Variants in BCAS3 observed in about 807,000 individuals in gnomAD.
The protein encoded by BCAS3 is BCAS3 microtubule associated cell migration factor, also known as BCAS4/BCAS3 fusion.
Under a neutral mutation model 116.1 loss-of-function variants are expected in BCAS3, and 53 were observed. That is an observed-to-expected ratio of 0.46 (90% CI 0.37 to 0.57). BCAS3 has a LOEUF of 0.57. Among genes scored for constraint, BCAS3 ranks in the 20% least tolerant of loss-of-function variants. The pLI is 0.00. For synonymous variants in BCAS3, 391 were observed against 408.2 expected (o/e 0.96, Z 0.51); for missense variants, 917 against 1,165.4 (o/e 0.79, Z 3.10).
intron 7 of BCAS3, among the ~76,000 whole-genome samples, chr17:60,859,904 A>T (rs1411395367): frequency 6.6e-6 from 1 of 152,112 alleles, no homozygotes; most frequent in South Asian, 2.1e-4. Context: ...TCCTCTGTTG[A>T]TGGGCATCTA....
chr17:60,974,697 A>G (rs1413275301), intron 14 of BCAS3, among the ~76,000 whole-genome samples: 3 of 152,228 alleles, frequency 2.0e-5, no homozygotes, highest in African/African-American at 7.2e-5. Flanking sequence ...GAAACATTTA[A>G]TGAATGGTAA....
At position 61,377,007 on chromosome 17, in the gene BCAS3, T is replaced by A. The variant is rs1475258926; in HGVS notation, c.2593+8513T>A. The stretch of plus-strand genomic sequence containing the variant: ...GACAAGTTTCCTACCCTCAAAGAGA[T>A]TAAAGCCCCAGAGGAGGCCACAATA... On this transcript the variant is annotated intron_variant, in intron 23 of 23. Transcript: ENST00000407086. This position sits in a 1 kb window ranked among gnomAD's most constrained non-coding sequence, Gnocchi z 4.6. Among the ~76,000 whole-genome samples the A allele has an allele frequency of 2.0e-5, 3 of 152,146 alleles. No homozygotes were observed. Among genetic ancestry groups the A allele is most frequent in the African/African-American group, 7.2e-5 (3 of 41,424 alleles).
At chr17:60,801,159 T>G (rs938375579) in intron 6 of BCAS3, among the ~76,000 whole-genome samples, 11 of 152,140 alleles carry the variant, frequency 7.2e-5, no homozygotes, top group Non-Finnish European at 2.9e-5. Context: ...TCTCCATGTA[T>G]TTAGGTTGTC....
At chr17:60,812,211 A>G (rs2144642629) in intron 7 of BCAS3, among the ~76,000 whole-genome samples, 1 of 152,266 alleles carries the variant, frequency 6.6e-6, no homozygotes, top group South Asian at 2.1e-4. Context: ...GTTGGGGAGG[A>G]ATACTTTTCT....
intron 5 of BCAS3, among the ~76,000 whole-genome samples, chr17:60,723,653 T>G (rs2039484246): frequency 6.6e-6 from 1 of 151,992 alleles, no homozygotes; most frequent in Non-Finnish European, 1.5e-5. Context: ...CATATTCAAA[T>G]TTCATCCATT....
intron 9 of BCAS3, among the ~76,000 whole-genome samples, chr17:60,878,243 C>T (rs1373908393): frequency 6.6e-6 from 1 of 152,098 alleles, no homozygotes; most frequent in Non-Finnish European, 1.5e-5. Context: ...CTCCTGAGCT[C>T]AGGTGATCTG....
chr17:61,201,759 C>CTT (rs34301859), intron 22 of BCAS3, among the ~76,000 whole-genome samples: 10,551 of 142,124 alleles, frequency 0.074, 690 homozygotes, highest in African/African-American at 0.17. Context: ...AGGAAACTAA[C>CTT]TTTTTTTTTT....
chr17:61,267,225 T>A (rs925658678), intron 22 of BCAS3, among the ~76,000 whole-genome samples: 30 of 146,986 alleles, frequency 2.0e-4, no homozygotes, highest in African/African-American at 7.7e-4. Flanking sequence ...GCCCAGCTAA[T>A]TTTTTGTATT....
At chr17:61,335,517 C>T (rs996939478) in intron 22 of BCAS3, among the ~76,000 whole-genome samples, 3 of 152,158 alleles carry the variant, frequency 2.0e-5, no homozygotes, top group African/African-American at 4.8e-5. Context: ...GTCAGGGTCC[C>T]TGTGAGTCAG....
At chr17:60,687,646 T>A (rs1301823613) in intron 3 of BCAS3, among the ~76,000 whole-genome samples, 3 of 151,842 alleles carry the variant, frequency 2.0e-5, no homozygotes, top group Admixed American at 6.6e-5. Context: ...TTTTTTTTTT[T>A]AAAGACATCA....
intron 14 of BCAS3, among the ~76,000 whole-genome samples, chr17:60,976,020 C>CTTTTTTATTTTTTTTTTTTTTTTTTTTT (rs2062326789): frequency 1.0e-5 from 1 of 98,286 alleles, no homozygotes; most frequent in African/African-American, 4.2e-5. Flanking sequence ...TAGATTTTTG[C>CTTTTTTATTTTTTTTTTTTTTTTTTTTT]TTTTTTTTTT....
chr17:60,846,253 T>C (rs2052525372), intron 7 of BCAS3, among the ~76,000 whole-genome samples: 1 of 152,172 alleles, frequency 6.6e-6, no homozygotes, highest in African/African-American at 2.4e-5. Context: ...TTATCAGTTT[T>C]TTCAGTCAGG....
chr17:60,709,109 G>A (rs2037539489), intron 4 of BCAS3, 110 bp from the exon 5 acceptor site: 1 of 576,674 alleles, frequency 1.7e-6, no homozygotes, highest in South Asian at 2.1e-5. Flanking sequence ...AGAGAGGATG[G>A]TTGCTAGACA....
At chr17:60,979,806 T>C (rs1460552227) in intron 14 of BCAS3, among the ~76,000 whole-genome samples, 2 of 152,232 alleles carry the variant, frequency 1.3e-5, no homozygotes, top group Non-Finnish European at 2.9e-5. Flanking sequence ...GTTTACTGAT[T>C]TGCGTATGTT....
chr17:61,252,789 T>C (rs968876981), intron 22 of BCAS3, among the ~76,000 whole-genome samples: 21 of 152,082 alleles, frequency 1.4e-4, no homozygotes, highest in Non-Finnish European at 2.4e-4. Flanking sequence ...CTTAGTCTGC[T>C]AAACACACTG....
At chr17:60,782,438 A>G (rs1412645434) in intron 6 of BCAS3, among the ~76,000 whole-genome samples, 3 of 152,124 alleles carry the variant, frequency 2.0e-5, no homozygotes, top group Non-Finnish European at 4.4e-5. Context: ...CCAATTAATT[A>G]TGAAAGCCAG....
chr17:61,147,069 C>T (rs888482449), intron 22 of BCAS3, among the ~76,000 whole-genome samples: 1 of 151,674 alleles, frequency 6.6e-6, no homozygotes, highest in African/African-American at 2.4e-5. Context: ...CACACACCAC[C>T]ATGCCTGGCT....
rs1159581419 is a variant in BCAS3 at position 61,188,134 on chromosome 17, G to A, written c.2425+103570G>A. On this transcript the variant is annotated intron_variant, in intron 22 of 23. Transcript: ENST00000407086. The surrounding 1 kb of genome is among the most constrained non-coding windows in gnomAD (Gnocchi z 4.0). ...GGAAAAACAAATACATGGCAGAATT[G>A]TAGGATTTCAGGGATGTCTTCACCC... Among the ~76,000 whole-genome samples, 2 of 152,166 alleles carry A rather than the reference G, an allele frequency of 1.3e-5. No individual in the cohort carries two copies. Among genetic ancestry groups the A allele is most frequent in the Non-Finnish European group, 2.9e-5 (2 of 68,026 alleles).
Position 61,380,414 on chromosome 17 carries a change from G to C in BCAS3, c.2594-11563G>C. 1 of 1,203,980 alleles carries C rather than the reference G, an allele frequency of 8.3e-7. No homozygotes were observed. 74.6% of individuals were successfully genotyped at this position (1,203,980 alleles called of 1,614,324 possible). ...AGCTCTCAGTGGTCAAACCAGATTT[G>C]GGTATCGACTCACTTTGATCTCAGC... is the stretch of plus-strand genomic sequence containing the variant. On this transcript the variant is annotated intron_variant, in intron 23 of 23. Transcript: ENST00000407086. The surrounding 1 kb of genome is among the most constrained non-coding windows in gnomAD (Gnocchi z 4.2).
Sources: allele counts gnomAD v4.1 joint callset (sites outside exome capture counted in the v4.1 genomes callset), GRCh38; gene constraint gnomAD v4.1.1; non-coding constraint Gnocchi (gnomAD v3.1); transcripts MANE v1.5; gene names NCBI Gene and HGNC (gene_info 2026-07-23, HGNC 2026-07-21).